SH3RF1: variants seen among roughly 807,000 people sequenced by gnomAD.
SH3RF1 encodes the protein E3 ubiquitin-protein ligase SH3RF1.
SH3RF1 carries 32 observed loss-of-function variants against 74.0 expected under a neutral mutation model. The ratio of observed to expected loss-of-function variants is 0.43; its 90% CI spans 0.33 to 0.58. The LOEUF is 0.58. SH3RF1 is among the 20% of genes least tolerant of loss of function. The probability of loss-of-function intolerance (pLI) is 0.05; values close to 1 mark genes in which losing one functional copy is unlikely to be tolerated. For missense variants in SH3RF1, 954 were observed against 1,130.9 expected, an observed-to-expected ratio of 0.84 and a Z score of 2.24; for synonymous variants, 396 against 439.6, an observed-to-expected ratio of 0.90 and a Z score of 1.24.
intron 2 of SH3RF1, among the ~76,000 whole-genome samples, chr4:169,209,152 G>A (rs774404284): frequency 6.6e-5 from 10 of 151,946 alleles, no homozygotes; most frequent in Admixed American, 1.3e-4. Context: ...AGCCAGACAC[G>A]GTGGCACGCA....
At chr4:169,221,863 A>T (rs560007422) in intron 2 of SH3RF1, among the ~76,000 whole-genome samples, 1 of 152,232 alleles carries the variant, frequency 6.6e-6, no homozygotes, top group South Asian at 2.1e-4. Flanking sequence ...TACACAGTAC[A>T]AACAGTGAAC....
chr4:169,146,503 C>A (rs564360657), intron 4 of SH3RF1, among the ~76,000 whole-genome samples: 260 of 152,078 alleles, frequency 1.7e-3, no homozygotes, highest in African/African-American at 5.6e-3. Flanking sequence ...GCTGGGATTA[C>A]AGGTGTGAGC....
intron 10 of SH3RF1, 96 bp from the exon 11 acceptor site, chr4:169,107,301 T>C: frequency 8.7e-7 from 1 of 1,148,986 alleles, no homozygotes; most frequent in Non-Finnish European, 1.2e-6. Flanking sequence ...CTTTTTAATT[T>C]TTAATTTTAA....
At chr4:169,174,919 C>T (rs1209459365) in intron 2 of SH3RF1, among the ~76,000 whole-genome samples, 1 of 152,128 alleles carries the variant, frequency 6.6e-6, no homozygotes. Context: ...GCACCAAGGG[C>T]CTACTTCACA....
intron 2 of SH3RF1, among the ~76,000 whole-genome samples, chr4:169,212,389 C>A (rs1730392540): frequency 6.6e-6 from 1 of 152,100 alleles, no homozygotes; most frequent in African/African-American, 2.4e-5. Flanking sequence ...AAAAGATTCT[C>A]TGAAATATTT....
At chr4:169,229,471 C>G (rs181780402) in intron 2 of SH3RF1, among the ~76,000 whole-genome samples, 3 of 151,294 alleles carry the variant, frequency 2.0e-5, no homozygotes, top group African/African-American at 4.9e-5. Context: ...ACCACCCCCC[C>G]ACCCAAAAAA....
In SH3RF1 at chr4:169,136,663, T is replaced by G. The variant is rs1733708515; in HGVS notation, c.766-43A>C. 2.7e-5 allele frequency: 40 copies of G among 1,457,034 alleles called. No individual in the cohort carries two copies. The East Asian group carries it at 9.8e-4, about 36-fold the overall frequency. The allele number at this position is 1,457,034 out of a possible 1,614,324, so 90.3% of individuals were successfully genotyped here. ...AAACCAACACAAGAAGGTTAAACAA[T>G]TCCTAAGAATTCCCTGAGGTTTATT... On this transcript the variant is annotated intron_variant, in intron 4 of 11. Transcript: ENST00000284637.
intron 2 of SH3RF1, among the ~76,000 whole-genome samples, chr4:169,193,204 G>C (rs1056016070): frequency 6.6e-6 from 1 of 151,898 alleles, no homozygotes; most frequent in Non-Finnish European, 1.5e-5. Flanking sequence ...CCAAGTGATG[G>C]GTGTCCAAAA....
chr4:169,136,010 G>A (rs1180101413), intron 5 of SH3RF1, among the ~76,000 whole-genome samples: 1 of 152,214 alleles, frequency 6.6e-6, no homozygotes, highest in Non-Finnish European at 1.5e-5. Context: ...AAGCAGTACT[G>A]TGAGAAAGTT....
At chr4:169,111,349 G>A (rs1178576731) in intron 10 of SH3RF1, among the ~76,000 whole-genome samples, 1 of 150,112 alleles carries the variant, frequency 6.7e-6, no homozygotes. Context: ...TGACCTCCTG[G>A]GCTCAAGCCA....
chr4:169,227,760 C>T (rs749699831), intron 2 of SH3RF1, among the ~76,000 whole-genome samples: 1 of 152,162 alleles, frequency 6.6e-6, no homozygotes, highest in Non-Finnish European at 1.5e-5. Context: ...CAGTGCCCAT[C>T]GAAGCCAGAC....
intron 2 of SH3RF1, among the ~76,000 whole-genome samples, chr4:169,234,877 C>T (rs1245061062): frequency 1.3e-5 from 2 of 152,044 alleles, no homozygotes; most frequent in African/African-American, 2.4e-5. Context: ...TGGTAGGACG[C>T]ACAGCATTTC....
At chr4:169,244,825 T>C (rs994574198) in intron 2 of SH3RF1, among the ~76,000 whole-genome samples, 1 of 152,232 alleles carries the variant, frequency 6.6e-6, no homozygotes, top group South Asian at 2.1e-4. Context: ...CTTTAGATTG[T>C]ACTATTATTT....
intron 2 of SH3RF1, among the ~76,000 whole-genome samples, chr4:169,180,885 C>T (rs1284151893): frequency 6.6e-6 from 1 of 152,076 alleles, no homozygotes; most frequent in Non-Finnish European, 1.5e-5. Context: ...GTTAAATATC[C>T]TTAGAAATCT....
chr4:169,209,090 A>C (rs1418987156), intron 2 of SH3RF1, among the ~76,000 whole-genome samples: 1 of 152,052 alleles, frequency 6.6e-6, no homozygotes, highest in African/African-American at 2.4e-5. Flanking sequence ...GAAGTTCGAG[A>C]CCAGCCTGGC....
intron 7 of SH3RF1, among the ~76,000 whole-genome samples, chr4:169,121,539 A>G (rs1422985889): frequency 6.6e-6 from 1 of 152,228 alleles, no homozygotes; most frequent in Admixed American, 6.5e-5. Context: ...CAAAACGTAC[A>G]AGACAACCCC....
chr4:169,133,800 G>A (rs1733654906), intron 5 of SH3RF1, among the ~76,000 whole-genome samples: 1 of 152,020 alleles, frequency 6.6e-6, no homozygotes, highest in African/African-American at 2.4e-5. Context: ...AAAAGGAAAG[G>A]AAATTGTAGG....
intron 6 of SH3RF1, among the ~76,000 whole-genome samples, chr4:169,127,998 CT>C (rs1173653418): frequency 6.6e-6 from 1 of 152,150 alleles, no homozygotes; most frequent in East Asian, 1.9e-4. Context: ...TGAGCACTTC[CT>C]TTGAGCTTCA....
At chr4:169,166,787 T>TG (rs35417195) in intron 2 of SH3RF1, 95,807 of 234,106 alleles carry the variant, frequency 0.41, 20,670 homozygotes, top group African/African-American at 0.55. Flanking sequence ...GCTCGTTACT[T>TG]TGACTGGACC....
Sources: gnomAD v4.1 joint callset for allele counts (sites outside exome capture counted in the v4.1 genomes callset) on GRCh38, gnomAD v4.1.1 for gene constraint, MANE v1.5 for transcripts, NCBI Gene and HGNC (gene_info 2026-07-23, HGNC 2026-07-21) for gene names.